The following SHC4 variants were observed in gnomAD, a reference collection of about 807,000 sequenced individuals.
The protein encoded by SHC4 is SHC-transforming protein 4.
Under a neutral mutation model 69.4 loss-of-function variants are expected in SHC4, and 41 were observed. The ratio of observed to expected loss-of-function variants is 0.59; its 90% CI spans 0.46 to 0.77. The LOEUF is 0.77. Ranked by LOEUF, SHC4 falls within the 30% of genes least tolerant of loss-of-function variation. The probability of loss-of-function intolerance (pLI) is 0.00; values close to 1 mark genes in which losing one functional copy is unlikely to be tolerated. For synonymous variants in SHC4, 318 were observed against 299.3 expected (o/e 1.06, Z -0.64); for missense variants, 777 against 783.8 (o/e 0.99, Z 0.10).
intron 2 of SHC4, among the ~76,000 whole-genome samples, chr15:48,896,518 G>A (rs1210453922): frequency 4.0e-5 from 6 of 151,772 alleles, no homozygotes; most frequent in Non-Finnish European, 8.8e-5. Flanking sequence ...ATGGGATTTC[G>A]CCACATTGGC....
intron 11 of SHC4, 145 bp from the exon 12 acceptor site, chr15:48,826,271 A>AT (rs1898686883): frequency 1.5e-6 from 1 of 687,466 alleles, no homozygotes; most frequent in Non-Finnish European, 2.2e-6. Context: ...TTTTTTTTTG[A>AT]GACAGAGTGT....
chr15:48,916,705 A>G (rs1314304442), intron 2 of SHC4, among the ~76,000 whole-genome samples: 1 of 152,112 alleles, frequency 6.6e-6, no homozygotes, highest in African/African-American at 2.4e-5. Flanking sequence ...CCCATTCTTT[A>G]ACAGTTCCCC....
chr15:48,876,420 C>T (rs771704352), intron 4 of SHC4: 2 of 374,962 alleles, frequency 5.3e-6, no homozygotes, highest in African/African-American at 4.2e-5. Flanking sequence ...TCTCTAGAAG[C>T]ACAGAACTAA....
chr15:48,946,768 A>C (rs1267599668), intron 1 of SHC4, among the ~76,000 whole-genome samples: 1 of 152,188 alleles, frequency 6.6e-6, no homozygotes, highest in African/African-American at 2.4e-5. Flanking sequence ...CCTTTATTTC[A>C]CAGAACTTTG....
chr15:48,828,525 G>C (rs1009555354), intron 11 of SHC4, among the ~76,000 whole-genome samples: 3 of 152,168 alleles, frequency 2.0e-5, no homozygotes, highest in Non-Finnish European at 4.4e-5. Context: ...CCAGAAGTGA[G>C]GTTGCTAGAT....
At chr15:48,906,228 T>C (rs576224656) in intron 2 of SHC4, among the ~76,000 whole-genome samples, 3 of 152,310 alleles carry the variant, frequency 2.0e-5, no homozygotes, top group African/African-American at 7.2e-5. Context: ...TTGAACTATG[T>C]TCTACAATTA....
intron 10 of SHC4, among the ~76,000 whole-genome samples, chr15:48,839,844 G>A (rs1455057562): frequency 6.6e-6 from 1 of 152,182 alleles, no homozygotes; most frequent in African/African-American, 2.4e-5. Context: ...AATATTTGTG[G>A]CAGAGACAGT....
intron 1 of SHC4, among the ~76,000 whole-genome samples, chr15:48,961,605 T>C (rs1901547666): frequency 6.6e-6 from 1 of 152,262 alleles, no homozygotes; most frequent in Non-Finnish European, 1.5e-5. Flanking sequence ...TGTGAATGAA[T>C]CCCAGATCAC....
intron 1 of SHC4, among the ~76,000 whole-genome samples, chr15:48,949,370 C>CAA (rs751634978): frequency 3.3e-4 from 21 of 63,994 alleles, no homozygotes; most frequent in East Asian, 4.8e-4. Flanking sequence ...GACTCCGTCT[C>CAA]AAAAAAAAAA....
At chr15:48,947,476 A>G (rs1422575941) in intron 1 of SHC4, 1 of 152,234 alleles carries the variant, frequency 6.6e-6, no homozygotes, top group Non-Finnish European at 1.5e-5. Context: ...AAAGTCTGAA[A>G]GAATACAAAA....
chr15:48,958,395 G>A (rs986964788), intron 1 of SHC4, among the ~76,000 whole-genome samples: 1 of 152,180 alleles, frequency 6.6e-6, no homozygotes, highest in African/African-American at 2.4e-5. Context: ...CTACTTACTA[G>A]TTGTGAAGTA....
intron 8 of SHC4, among the ~76,000 whole-genome samples, chr15:48,854,283 T>G (rs1452811171): frequency 6.6e-6 from 1 of 151,864 alleles, no homozygotes; most frequent in Non-Finnish European, 1.5e-5. Context: ...ACATATCATA[T>G]CAGAATGACT....
At chr15:48,949,469 G>A (rs1901331565) in intron 1 of SHC4, among the ~76,000 whole-genome samples, 2 of 150,948 alleles carry the variant, frequency 1.3e-5, no homozygotes, top group African/African-American at 4.9e-5. Flanking sequence ...ATCATTGCCT[G>A]TATCAAGACC....
intron 2 of SHC4, among the ~76,000 whole-genome samples, chr15:48,902,202 C>CAAA (rs35158653): frequency 2.7e-5 from 2 of 73,566 alleles, no homozygotes; most frequent in Admixed American, 1.4e-4. Flanking sequence ...GACTGTGTCT[C>CAAA]AAAAAAAAAA....
At chr15:48,916,308 CACACACA>C (rs1567069109) in intron 2 of SHC4, among the ~76,000 whole-genome samples, 26 of 146,508 alleles carry the variant, frequency 1.8e-4, no homozygotes, top group Admixed American at 6.7e-4. Flanking sequence ...CACACACACA[CACACACA>C]CACCCAGAAG....
At chr15:48,839,517 C>T (rs925946988) in intron 10 of SHC4, among the ~76,000 whole-genome samples, 4 of 152,178 alleles carry the variant, frequency 2.6e-5, no homozygotes, top group Non-Finnish European at 5.9e-5. Context: ...TAAAGCTGAA[C>T]CAGGATCCAA....
chr15:48,839,556 T>C (rs1174052565), intron 10 of SHC4, among the ~76,000 whole-genome samples: 2 of 152,228 alleles, frequency 1.3e-5, no homozygotes, highest in African/African-American at 4.8e-5. Context: ...TTCCAGCTCA[T>C]GTAGTCTTCA....
At chr15:48,865,289 T>C (rs1456549563) in intron 6 of SHC4, among the ~76,000 whole-genome samples, 1 of 152,158 alleles carries the variant, frequency 6.6e-6, no homozygotes, top group East Asian at 1.9e-4. Flanking sequence ...GAGGACTGTG[T>C]GCAAGGAGGA....
intron 6 of SHC4, among the ~76,000 whole-genome samples, chr15:48,866,181 C>T (rs571956250): frequency 5.1e-4 from 77 of 152,248 alleles, no homozygotes; most frequent in African/African-American, 1.8e-3. Flanking sequence ...TATTTAGGGA[C>T]GTTCAGGCAG....
Sources: gnomAD v4.1 joint callset for allele counts (sites outside exome capture counted in the v4.1 genomes callset) on GRCh38, gnomAD v4.1.1 for gene constraint, MANE v1.5 for transcripts, NCBI Gene and HGNC (gene_info 2026-07-23, HGNC 2026-07-21) for gene names.